HHAT: variants seen among roughly 807,000 people sequenced by gnomAD.
HHAT encodes the protein hedgehog acyltransferase.
In HHAT, 47 loss-of-function variants were observed where a neutral mutation model predicts 70.8. The ratio of observed to expected loss-of-function variants is 0.66; its 90% CI spans 0.53 to 0.85. HHAT has a LOEUF of 0.85. Ranked by LOEUF, HHAT falls within the 40% of genes least tolerant of loss-of-function variation. The probability of loss-of-function intolerance (pLI) is 0.00; values close to 1 mark genes in which losing one functional copy is unlikely to be tolerated. For missense variants in HHAT, 609 were observed against 604.8 expected (o/e 1.01, Z -0.07); for synonymous variants, 228 against 247.6 (o/e 0.92, Z 0.74).
chr1:210,601,085 T>C (rs566271331), intron 10 of HHAT, among the ~76,000 whole-genome samples: 2 of 151,956 alleles, frequency 1.3e-5, no homozygotes, highest in African/African-American at 4.8e-5. Flanking sequence ...AGGGATTTGA[T>C]GTTCTGGGGC....
At chr1:210,478,935 T>G (rs1475089247) in intron 8 of HHAT, among the ~76,000 whole-genome samples, 3 of 152,130 alleles carry the variant, frequency 2.0e-5, no homozygotes, top group Non-Finnish European at 2.9e-5. Context: ...GGAGAGGGTT[T>G]GCAGAGTGGT....
chr1:210,589,341 T>C (rs1478916709), intron 10 of HHAT: 8 of 152,188 alleles, frequency 5.3e-5, no homozygotes, highest in African/African-American at 1.7e-4. Context: ...CATGTATGTA[T>C]AAAGATAAAT....
chr1:210,542,405 C>A (rs1446651188), intron 9 of HHAT, among the ~76,000 whole-genome samples: 10 of 151,942 alleles, frequency 6.6e-5, no homozygotes, highest in African/African-American at 2.4e-4. Flanking sequence ...GCCTTAGTTT[C>A]TTTTCCTGTT....
intron 2 of HHAT, among the ~76,000 whole-genome samples, chr1:210,352,893 T>C (rs1287668552): frequency 6.6e-6 from 1 of 152,036 alleles, no homozygotes; most frequent in African/African-American, 2.4e-5. Flanking sequence ...GGTTGGTGCC[T>C]TATGGTTTAG....
chr1:210,329,122 A>G lies in HHAT; in HGVS notation c.-44+18A>G, dbSNP rs1036272730. On this transcript the variant is annotated intron_variant, in intron 1 of 11. Coordinates refer to ENST00000261458, the MANE Select transcript of HHAT (RefSeq NM_018194.6). ...GCCCGGAGGTTGGTAACTGGTGACC[A>G]TAGGGGGTCCTGGGGAGGTTAGATG... 2.0e-5 allele frequency: 27 copies of G among 1,359,188 alleles called. No individual in the cohort carries two copies. In the African/African-American group the frequency reaches 3.8e-4, roughly 19 times the overall value. 84.2% of individuals were successfully genotyped at this position (1,359,188 alleles called of 1,614,324 possible).
intron 6 of HHAT, among the ~76,000 whole-genome samples, chr1:210,412,264 G>T (rs557739485): frequency 1.3e-5 from 2 of 152,210 alleles, no homozygotes; most frequent in African/African-American, 4.8e-5. Context: ...ATAATATTTT[G>T]CCCCTGCCCC....
At chr1:210,478,700 G>A (rs368030105) in intron 8 of HHAT, among the ~76,000 whole-genome samples, 50 of 152,264 alleles carry the variant, frequency 3.3e-4, no homozygotes, top group African/African-American at 1.1e-3. Context: ...TAGGCAGAAA[G>A]GAATTTTCCT....
chr1:210,526,718 C>G (rs1195748955), intron 9 of HHAT, among the ~76,000 whole-genome samples: 2 of 152,244 alleles, frequency 1.3e-5, no homozygotes, highest in African/African-American at 4.8e-5. Context: ...TCTCAACAGC[C>G]TCTGCTAAGC....
At chr1:210,495,579 C>T (rs2094624178) in intron 8 of HHAT, among the ~76,000 whole-genome samples, 3 of 152,144 alleles carry the variant, frequency 2.0e-5, no homozygotes, top group Non-Finnish European at 4.4e-5. Context: ...CTCCTTCTCC[C>T]TCTTTCTCTA....
intron 1 of HHAT, among the ~76,000 whole-genome samples, 189 bp from the exon 2 acceptor site, chr1:210,348,736 CGTGTGTGT>C (rs71303046): frequency 3.4e-5 from 5 of 147,938 alleles, no homozygotes; most frequent in African/African-American, 1.0e-4. Flanking sequence ...TGTATGTGTG[CGTGTGTGT>C]GTGTGTGTGT....
chr1:210,668,196 T>C (rs554336985), intron 11 of HHAT, among the ~76,000 whole-genome samples: 1 of 152,370 alleles, frequency 6.6e-6, no homozygotes, highest in African/African-American at 2.4e-5. Flanking sequence ...CATGTTCTGC[T>C]TATCCATTCA....
intron 9 of HHAT, among the ~76,000 whole-genome samples, chr1:210,529,597 A>G (rs1327110872): frequency 1.3e-5 from 2 of 152,186 alleles, no homozygotes; most frequent in Non-Finnish European, 1.5e-5. Flanking sequence ...CTACTACCCC[A>G]GTGTATCCCA....
At chr1:210,334,386 G>T (rs1445645323) in intron 1 of HHAT, among the ~76,000 whole-genome samples, 1 of 151,462 alleles carries the variant, frequency 6.6e-6, no homozygotes, top group Non-Finnish European at 1.5e-5. Context: ...AAACTCCTGG[G>T]CTCAAGTCGT....
intron 9 of HHAT, among the ~76,000 whole-genome samples, chr1:210,528,851 A>G (rs914656244): frequency 6.6e-5 from 10 of 152,166 alleles, no homozygotes; most frequent in Non-Finnish European, 1.3e-4. Flanking sequence ...TGATGCACCT[A>G]TGTCCTGGTT....
chr1:210,497,544 T>C (rs2094672000), intron 8 of HHAT, among the ~76,000 whole-genome samples: 1 of 152,142 alleles, frequency 6.6e-6, no homozygotes, highest in Admixed American at 6.5e-5. Context: ...CAAGAAAGTT[T>C]CTTGGTTTGA....
chr1:210,329,892 A>G (rs561172263), intron 1 of HHAT, among the ~76,000 whole-genome samples: 16 of 152,276 alleles, frequency 1.1e-4, no homozygotes, highest in African/African-American at 3.4e-4. Flanking sequence ...GATTACAGGC[A>G]TGCGCCACCA....
chr1:210,400,366 A>G lies in HHAT; in HGVS notation c.274-102A>G, dbSNP rs76911132. On this transcript the variant is annotated intron_variant, in intron 4 of 11. Transcript: ENST00000261458. ...GGGTAATTAAACGTGATCCTCTTAC[A>G]TGTAGAACCTTCAATATCACTTCCA... is the stretch of plus-strand genomic sequence containing the variant. 7.5e-3 allele frequency: 7,943 copies of G among 1,063,920 alleles called. 325 individuals carry two copies. In the African/African-American group the frequency reaches 0.092, roughly 12 times the overall value. 65.9% of individuals were successfully genotyped at this position (1,063,920 alleles called of 1,614,324 possible).
At chr1:210,575,840 T>C (rs754698544) in intron 9 of HHAT, among the ~76,000 whole-genome samples, 1 of 152,188 alleles carries the variant, frequency 6.6e-6, no homozygotes, top group Non-Finnish European at 1.5e-5. Context: ...AGACAGTTAG[T>C]TACTGCAGTA....
At chr1:210,619,920 C>A (rs1049880866) in intron 10 of HHAT, among the ~76,000 whole-genome samples, 3 of 152,240 alleles carry the variant, frequency 2.0e-5, no homozygotes, top group African/African-American at 7.2e-5. Context: ...TGGCAACTCT[C>A]TTTGTCATAC....
Sources: gnomAD v4.1 joint callset for allele counts (sites outside exome capture counted in the v4.1 genomes callset) on GRCh38, gnomAD v4.1.1 for gene constraint, MANE v1.5 for transcripts, NCBI Gene and HGNC (gene_info 2026-07-23, HGNC 2026-07-21) for gene names.